Variants in PPP2CB observed in about 807,000 individuals in gnomAD.
PPP2CB encodes protein phosphatase 2 catalytic subunit beta.
In PPP2CB, 18 loss-of-function variants were observed where a neutral mutation model predicts 39.1. The ratio of observed to expected loss-of-function variants is 0.46; its 90% confidence interval spans 0.32 to 0.68. The LOEUF is 0.68. Ranked by LOEUF, PPP2CB falls within the 30% of genes least tolerant of loss-of-function variation. The pLI is 0.04. For synonymous variants in PPP2CB, 129 were observed against 133.8 expected (o/e 0.96, Z 0.25); for missense variants, 226 against 396.9 (o/e 0.57, Z 3.66).
intron 6 of PPP2CB, among the ~76,000 whole-genome samples, chr8:30,790,444 G>A (rs1224028501): frequency 6.6e-6 from 1 of 152,194 alleles, no homozygotes; most frequent in Non-Finnish European, 1.5e-5. Flanking sequence ...GACATCTACT[G>A]CTTTCCACAA....
chr8:30,810,083 C>T (rs758467920), intron 1 of PPP2CB: 1 of 152,218 alleles, frequency 6.6e-6, no homozygotes, highest in African/African-American at 2.4e-5. Context: ...CTCAAGTGAT[C>T]GTTGACACTC....
In PPP2CB at chr8:30,799,290, CAAT is replaced by C. The variant is rs1806579142; in HGVS notation, c.312+253_312+255del. On this transcript the variant is annotated intron_variant, in intron 2 of 6. Transcript: ENST00000221138. The stretch of plus-strand genomic sequence containing the variant: ...ATTTAAAAAGACTTGTCTACTGACT[CAAT>C]ATAACGGATAAGTGATAAAGTCAAA... Among the ~76,000 whole-genome samples the C allele has an allele frequency of 4.6e-5, 7 of 152,242 alleles. No individual in the cohort carries two copies. In the South Asian group the frequency reaches 1.5e-3, roughly 32 times the overall value.
At chr8:30,798,724 A>G (rs577035328) in intron 2 of PPP2CB, among the ~76,000 whole-genome samples, 1 of 152,358 alleles carries the variant, frequency 6.6e-6, no homozygotes, top group South Asian at 2.1e-4. Context: ...TATGTAAAAT[A>G]ATAAGTAATA....
At chr8:30,798,322 T>C (rs1806559253) in intron 2 of PPP2CB, among the ~76,000 whole-genome samples, 1 of 152,238 alleles carries the variant, frequency 6.6e-6, no homozygotes, top group African/African-American at 2.4e-5. Flanking sequence ...TAGGAATGCA[T>C]CTGATAAGAA....
chr8:30,808,357 C>A (rs962985199), intron 1 of PPP2CB, among the ~76,000 whole-genome samples: 1 of 152,014 alleles, frequency 6.6e-6, no homozygotes, highest in African/African-American at 2.4e-5. Context: ...CCTCGACCTC[C>A]CAAAGTGCTA....
At chr8:30,793,429 A>G (rs1806469859) in intron 5 of PPP2CB, 1 of 152,592 alleles carries the variant, frequency 6.6e-6, no homozygotes, top group Non-Finnish European at 1.5e-5. Flanking sequence ...AATTTGAATA[A>G]AGTGTTCATA....
chr8:30,801,880 G>A (rs1806633848), intron 1 of PPP2CB, among the ~76,000 whole-genome samples: 1 of 151,958 alleles, frequency 6.6e-6, no homozygotes, highest in Non-Finnish European at 1.5e-5. Flanking sequence ...TTAATTTGAA[G>A]CAACTCTAAA....
chr8:30,796,559 T>G (rs892548657), intron 3 of PPP2CB, among the ~76,000 whole-genome samples: 1 of 152,134 alleles, frequency 6.6e-6, no homozygotes, highest in Non-Finnish European at 1.5e-5. Flanking sequence ...CGGCTAATTT[T>G]TGTATTTTTA....
At chr8:30,798,449 G>A (rs977055477) in intron 2 of PPP2CB, among the ~76,000 whole-genome samples, 3 of 150,658 alleles carry the variant, frequency 2.0e-5, no homozygotes, top group African/African-American at 7.3e-5. Context: ...GTGCTATAAA[G>A]CCAGATGCCA....
intron 3 of PPP2CB, 88 bp from the exon 4 acceptor site, chr8:30,794,369 C>T (rs908388981): frequency 2.8e-6 from 3 of 1,070,646 alleles, no homozygotes; most frequent in African/African-American, 1.6e-5. Context: ...AAGTGTCAGT[C>T]CAAATAGTGC....
intron 1 of PPP2CB, among the ~76,000 whole-genome samples, chr8:30,811,979 AG>A (rs1273339959): frequency 1.3e-5 from 2 of 152,220 alleles, no homozygotes; most frequent in Non-Finnish European, 1.5e-5. Flanking sequence ...CTAGAGTGGC[AG>A]GAACTCCCCA....
At chr8:30,790,384 C>T (rs1806411080) in intron 6 of PPP2CB, among the ~76,000 whole-genome samples, 2 of 152,162 alleles carry the variant, frequency 1.3e-5, no homozygotes, top group Non-Finnish European at 1.5e-5. Context: ...TTGTATGTTG[C>T]TCCTAGTATC....
intron 3 of PPP2CB, chr8:30,794,587 CCCT>C (rs928674723): frequency 2.5e-5 from 7 of 285,484 alleles, no homozygotes; most frequent in African/African-American, 1.1e-4. Context: ...CTCCCCACTT[CCCT>C]CCTTTCTTTT....
chr8:30,799,905 C>T, intron 1 of PPP2CB, 150 bp from the exon 2 acceptor site: 2 of 641,886 alleles, frequency 3.1e-6, no homozygotes, highest in Non-Finnish European at 5.4e-6. Flanking sequence ...ATTAGAAAGG[C>T]TATAATAAAA....
At chr8:30,790,911 G>A (rs565215134) in intron 6 of PPP2CB, 45 of 253,696 alleles carry the variant, frequency 1.8e-4, no homozygotes, top group African/African-American at 9.7e-4. Context: ...GGAGTTGGAG[G>A]GGGCAAGTCA....
intron 1 of PPP2CB, among the ~76,000 whole-genome samples, chr8:30,803,860 A>G (rs1330285534): frequency 7.9e-5 from 12 of 151,336 alleles, no homozygotes; most frequent in Non-Finnish European, 1.5e-5. Flanking sequence ...TCTGTCGTCC[A>G]GGCTGGAGTG....
At chr8:30,807,522 C>T (rs371038929) in intron 1 of PPP2CB, among the ~76,000 whole-genome samples, 3 of 152,362 alleles carry the variant, frequency 2.0e-5, no homozygotes, top group Admixed American at 6.5e-5. Context: ...TATACTTCTA[C>T]ACAAGCCTCG....
At chr8:30,810,216 G>A (rs1806802416) in intron 1 of PPP2CB, 1 of 152,318 alleles carries the variant, frequency 6.6e-6, no homozygotes, top group African/African-American at 2.4e-5. Flanking sequence ...CAGCACTTTG[G>A]AAGGCTGAGG....
chr8:30,805,201 T>G (rs1388587048), intron 1 of PPP2CB, among the ~76,000 whole-genome samples: 2 of 152,228 alleles, frequency 1.3e-5, no homozygotes, highest in African/African-American at 4.8e-5. Flanking sequence ...GCTCTCATCA[T>G]CCAGGACATA....
Sources: allele counts gnomAD v4.1 joint callset (sites outside exome capture counted in the v4.1 genomes callset), GRCh38; gene constraint gnomAD v4.1.1; transcripts MANE v1.5; gene names NCBI Gene and HGNC (gene_info 2026-07-23, HGNC 2026-07-21).